The following ENTPD3 variants were observed in gnomAD, a reference collection of about 807,000 sequenced individuals.
ENTPD3 encodes ectonucleoside triphosphate diphosphohydrolase 3, also known as CD39 antigen-like 3.
A neutral mutation model predicts 51.2 loss-of-function variants in ENTPD3; 60 were observed. The ratio of observed to expected loss-of-function variants is 1.17; its 90% CI spans 0.95 to 1.45. The LOEUF is 1.45. Ranked by LOEUF, ENTPD3 falls within the 40% of genes most tolerant of loss-of-function variation. ENTPD3 has a pLI of 0.00. For synonymous variants in ENTPD3, 221 were observed against 238.4 expected, an observed-to-expected ratio of 0.93 and a Z score of 0.67; for missense variants, 593 against 641.1, an observed-to-expected ratio of 0.93 and a Z score of 0.81.
chr3:40,387,968 C>G lies in ENTPD3; in HGVS notation c.-12-78C>G, dbSNP rs1030578700. The stretch of plus-strand genomic sequence containing the variant: ...TTGGAGGAAGTAAAATGGGTTTTGT[C>G]TTAACCTGGGCTCGTTCTTTAAACT... On this transcript the variant is annotated intron_variant, in intron 1 of 10. Coordinates refer to ENST00000301825, the MANE Select transcript of ENTPD3 (RefSeq NM_001248.4). The G allele has an allele frequency of 2.4e-6, 3 of 1,256,868 alleles. No individual in the cohort carries two copies. In the African/African-American group the frequency reaches 4.4e-5, roughly 19 times the overall value. 77.9% of individuals were successfully genotyped at this position (1,256,868 alleles called of 1,614,324 possible).
chr3:40,404,455 C>A (rs1955445816), intron 4 of ENTPD3, among the ~76,000 whole-genome samples: 1 of 152,156 alleles, frequency 6.6e-6, no homozygotes. Flanking sequence ...GGCAATTCAA[C>A]CAAGTTAGTC....
Position 40,414,812 on chromosome 3 carries a change from C to G in ENTPD3, c.569C>G (p.Ala190Gly). The G allele has an allele frequency of 6.2e-7, 1 of 1,613,990 alleles. No homozygotes were observed. The highest frequency in any genetic ancestry group is 8.5e-7 in the Non-Finnish European group (1 of 1,179,958). ...GAAGGGGTATATGGATGGATTACAG[C>G]CAACTATTTAATGGGAAATTTCCTG... is the stretch of plus-strand genomic sequence containing the variant. ...QEEGVYGWIT[A>G]NYLMGNFLEK... is the part of the protein sequence containing the mutation. The change falls in exon 6 of 11, where the codon GCC (alanine) becomes GGC (glycine). Residue 190 changes from alanine (A) to glycine (G), a missense_variant. Ala to Gly is a moderately conservative substitution (Grantham distance 60, BLOSUM62 0). Coordinates refer to ENST00000301825, the MANE Select transcript of ENTPD3 (RefSeq NM_001248.4).
intron 3 of ENTPD3, among the ~76,000 whole-genome samples, chr3:40,398,426 G>T (rs1955261604): frequency 6.6e-6 from 1 of 152,254 alleles, no homozygotes; most frequent in Admixed American, 6.5e-5. Flanking sequence ...GAGCAGGGGG[G>T]AGGAAAGAAA....
At chr3:40,398,859 T>A (rs79959964) in intron 3 of ENTPD3, among the ~76,000 whole-genome samples, 3 of 152,168 alleles carry the variant, frequency 2.0e-5, no homozygotes, top group Non-Finnish European at 2.9e-5. Context: ...AATGAATGTA[T>A]GAAAATGGTG....
intron 6 of ENTPD3, among the ~76,000 whole-genome samples, chr3:40,415,122 G>A (rs1955716566): frequency 6.6e-6 from 1 of 152,116 alleles, no homozygotes. Context: ...TTTAACACTA[G>A]GCTATGGGTC....
Position 40,428,596 on chromosome 3 carries a change from T to A in ENTPD3, c.*1088T>A, listed in dbSNP as rs952870521. On this transcript the variant is annotated 3_prime_UTR_variant, in exon 11 of 11. Transcript: ENST00000301825. ...TGCTGTTTCTTAGCTGAATATGGAA[T>A]AAAGAACTATTATTTTATTTTGACT... The A allele has an allele frequency of 6.6e-6, 1 of 152,216 alleles. No individual in the cohort carries two copies. The highest frequency in any genetic ancestry group is 1.5e-5 in the Non-Finnish European group (1 of 68,042). The allele number at this position is 152,216 out of a possible 1,614,324, so 9.4% of individuals were successfully genotyped here. A position where few individuals can be genotyped will look rare whatever the true frequency, so the allele number is the denominator to read the frequency against.
intron 7 of ENTPD3, 148 bp downstream of exon 7, chr3:40,416,221 C>T: frequency 1.6e-6 from 1 of 620,270 alleles, no homozygotes; most frequent in South Asian, 1.9e-5. Context: ...TCCTGGGGGT[C>T]CAAGTCCCTT....
rs1459872819 is a variant in ENTPD3, at chr3:40,423,288, C to T, written c.1105-3C>T. On this transcript the variant is annotated splice_polypyrimidine_tract_variant and splice_region_variant and intron_variant, in intron 8 of 10. Coordinates refer to ENST00000301825, the MANE Select transcript of ENTPD3 (RefSeq NM_001248.4). ...AATTTTCTTCTGTATTACTTATTTC[C>T]AGGCTTTTGCAGGATTCTACTACAC... The T allele has an allele frequency of 6.2e-7, 1 of 1,611,246 alleles. No homozygotes were observed. Among genetic ancestry groups the T allele is most frequent in the African/African-American group, 1.3e-5 (1 of 74,810 alleles).
intron 4 of ENTPD3, 133 bp downstream of exon 4, chr3:40,401,144 G>A (rs982721336): frequency 1.4e-6 from 1 of 711,188 alleles, no homozygotes; most frequent in African/African-American, 1.8e-5. Flanking sequence ...TCAGGAAATA[G>A]GAGATCGTGT....
At chr3:40,414,995 A>G (rs545683407) in intron 6 of ENTPD3, among the ~76,000 whole-genome samples, 155 bp downstream of exon 6, 19 of 152,340 alleles carry the variant, frequency 1.2e-4, no homozygotes, top group African/African-American at 4.3e-4. Flanking sequence ...ACAATAGCTA[A>G]GAAAGACATA....
chr3:40,414,582 G>C, intron 5 of ENTPD3, 99 bp from the exon 6 acceptor site: 1 of 1,282,572 alleles, frequency 7.8e-7, no homozygotes, highest in Non-Finnish European at 1.1e-6. Context: ...CCCACCAGCA[G>C]GGAGACGGTG....
In ENTPD3 at chr3:40,411,963, G is replaced by A; in HGVS notation, c.437+1G>A. ...CCACGGCTGGGATGCGCTTGCTGAGGTAAAGGCTAAGTGGCACAAAGGAGC... is the reference window on the plus strand; with the variant it reads ...CCACGGCTGGGATGCGCTTGCTGAGATAAAGGCTAAGTGGCACAAAGGAGC... On this transcript the variant is annotated splice_donor_variant, in intron 5 of 10. Transcript: ENST00000301825. LOFTEE classifies it high-confidence loss of function. 6.2e-7 allele frequency: 1 copy of A among 1,608,922 alleles called. No homozygotes were observed. Among genetic ancestry groups the A allele is most frequent in the South Asian group, 1.1e-5 (1 of 89,706 alleles).
At chr3:40,402,868 T>C (rs1955400066) in intron 4 of ENTPD3, among the ~76,000 whole-genome samples, 1 of 152,180 alleles carries the variant, frequency 6.6e-6, no homozygotes, top group Non-Finnish European at 1.5e-5. Flanking sequence ...TTAGTCCAAG[T>C]AATTGAGCCT....
At chr3:40,406,741 C>T (rs1559512207) in intron 4 of ENTPD3, among the ~76,000 whole-genome samples, 1 of 152,140 alleles carries the variant, frequency 6.6e-6, no homozygotes, top group East Asian at 1.9e-4. Flanking sequence ...CATTTCTCAT[C>T]TTTCTTCCAG....
intron 5 of ENTPD3, 25 bp from the exon 6 acceptor site, chr3:40,414,656 C>T (rs774320301): frequency 3.7e-6 from 6 of 1,612,440 alleles, no homozygotes; most frequent in East Asian, 2.2e-5. Context: ...GGCACTCAGA[C>T]TTGTTTGTTC....
intron 4 of ENTPD3, among the ~76,000 whole-genome samples, chr3:40,404,269 A>T (rs1955441314): frequency 6.6e-6 from 1 of 152,224 alleles, no homozygotes; most frequent in Non-Finnish European, 1.5e-5. Flanking sequence ...ACCCTACAGG[A>T]GTGATTTGAA....
chr3:40,409,123 A>G (rs1038679835), intron 4 of ENTPD3, among the ~76,000 whole-genome samples: 14 of 151,810 alleles, frequency 9.2e-5, no homozygotes, highest in African/African-American at 3.4e-4. Flanking sequence ...CTGTTGGTGC[A>G]TACCTGTAGT....
chr3:40,408,662 T>C (rs1400298110), intron 4 of ENTPD3, among the ~76,000 whole-genome samples: 3 of 152,358 alleles, frequency 2.0e-5, no homozygotes, highest in South Asian at 4.1e-4. Flanking sequence ...ACTGAGAGAA[T>C]TGTGTGTCTT....
intron 2 of ENTPD3, chr3:40,391,294 T>A (rs908691219): frequency 1.3e-5 from 2 of 152,172 alleles, no homozygotes; most frequent in Admixed American, 1.3e-4. Flanking sequence ...AGATTATTTT[T>A]AAATGAAATA....
Sources: gnomAD v4.1 joint callset for allele counts (sites outside exome capture counted in the v4.1 genomes callset) on GRCh38, gnomAD v4.1.1 for gene constraint, MANE v1.5 for transcripts, NCBI Gene and HGNC (gene_info 2026-07-23, HGNC 2026-07-21) for gene names.